RASA3: variants seen among roughly 807,000 people sequenced by gnomAD.
The protein encoded by RASA3 is RAS p21 protein activator 3.
A neutral mutation model predicts 110.0 loss-of-function variants in RASA3; 73 were observed. That is an observed-to-expected ratio of 0.66 (90% confidence interval 0.55 to 0.81). The LOEUF (loss-of-function observed/expected upper bound fraction) is 0.81, where lower values mean the gene tolerates loss of function less well. RASA3 is among the 30% of genes least tolerant of loss of function. The pLI is 0.00. For synonymous variants in RASA3, 500 were observed against 451.4 expected, an observed-to-expected ratio of 1.11 and a Z score of -1.37; for missense variants, 976 against 1,113.2, an observed-to-expected ratio of 0.88 and a Z score of 1.75.
chr13:114,110,312 C>T lies in RASA3; in HGVS notation c.55+22123G>A, dbSNP rs558244756. Reference sequence around the variant, plus strand: ...ACAGACCCGGGCCCCTGACCATACCCTGTGCTGTAACGCCTGCAAGGTAGA... The same window carrying T: ...ACAGACCCGGGCCCCTGACCATACCTTGTGCTGTAACGCCTGCAAGGTAGA... On this transcript the variant is annotated intron_variant, in intron 1 of 23. Coordinates refer to ENST00000334062, the MANE Select transcript of RASA3 (RefSeq NM_007368.4). 8.5e-5 allele frequency among the ~76,000 whole-genome samples: 13 copies of T among 152,362 alleles called. No individual in the cohort carries two copies. The East Asian group carries it at 2.5e-3, about 29-fold the overall frequency.
chr13:113,999,751 G>T, intron 19 of RASA3, 84 bp from the exon 20 acceptor site: 1 of 1,023,208 alleles, frequency 9.8e-7, no homozygotes, highest in South Asian at 1.3e-5. Flanking sequence ...CTCTGCCGGG[G>T]GGTCTCCCAG....
chr13:114,102,878 C>T (rs537623846), intron 1 of RASA3, among the ~76,000 whole-genome samples: 127 of 152,268 alleles, frequency 8.3e-4, no homozygotes, highest in Non-Finnish European at 1.3e-3. Flanking sequence ...TCGCCGTGGG[C>T]GCAGCCGGCA....
rs1566462351 is a variant in RASA3, at chr13:114,001,488, G to GCC, written c.1743-557_1743-556insGG. Among the ~76,000 whole-genome samples the GCC allele has an allele frequency of 2.2e-4, 32 of 142,962 alleles. 1 individual carries two copies. The highest frequency in any genetic ancestry group is 4.1e-4 in the African/African-American group (16 of 39,316). 93.8% of individuals were successfully genotyped at this position (142,962 alleles called of 152,430 possible). A position where few individuals can be genotyped will look rare whatever the true frequency, so the allele number is the denominator to read the frequency against. On this transcript the variant is annotated intron_variant, in intron 18 of 23. Transcript: ENST00000334062. ...ACTCACGCAACATGGAGGACCTACA[G>GCC]GCGCGGGCTCGGGGTCAGGGCAGGC...
intron 8 of RASA3, among the ~76,000 whole-genome samples, chr13:114,022,645 G>A (rs758345754): frequency 9.2e-5 from 14 of 152,336 alleles, no homozygotes; most frequent in African/African-American, 1.4e-4. Context: ...CCCACAGCGC[G>A]TTCCTTTCAG....
At chr13:114,010,825 C>CGCCGTGTGGG (rs2053622622) in intron 16 of RASA3, among the ~76,000 whole-genome samples, 1 of 5,090 alleles carries the variant, frequency 2.0e-4, no homozygotes, top group Non-Finnish European at 3.7e-4. Flanking sequence ...GGCTGCGTGA[C>CGCCGTGTGGG]GAGGAGCCTC....
chr13:114,101,967 G>A (rs1356805689), intron 1 of RASA3, among the ~76,000 whole-genome samples: 1 of 152,118 alleles, frequency 6.6e-6, no homozygotes, highest in Non-Finnish European at 1.5e-5. Context: ...GTGGGGAGCG[G>A]GGGTCTCAGT....
At chr13:114,098,214 G>A (rs770996141) in intron 1 of RASA3, among the ~76,000 whole-genome samples, 1 of 152,108 alleles carries the variant, frequency 6.6e-6, no homozygotes, top group South Asian at 2.1e-4. Flanking sequence ...GCTCATCAGC[G>A]ACGAGCCAGG....
chr13:114,028,083 G>A (rs2054061575), intron 5 of RASA3, among the ~76,000 whole-genome samples, 156 bp from the exon 6 acceptor site: 1 of 152,208 alleles, frequency 6.6e-6, no homozygotes, highest in Admixed American at 6.5e-5. Context: ...TTCTGCCTCG[G>A]TGTGACGCTG....
chr13:114,052,143 T>A lies in RASA3; in HGVS notation c.186A>T (p.Gly62=), dbSNP rs2079155815. Residue 62 remains glycine, a synonymous_variant, in exon 3 of 24, where the codon GGA becomes GGT. Transcript: ENST00000334062. ...IVEKSLCPFY[G]EDFYCEIPRS... is the part of the protein sequence containing the mutation. ...GAGGAATTTCACAGTAAAAGTCTTC[T>A]CCGTAAAACGGGCTAGTGAGACAAA... 6.2e-7 allele frequency: 1 copy of A among 1,612,384 alleles called. No individual in the cohort carries two copies. Among genetic ancestry groups the A allele is most frequent in the Non-Finnish European group, 8.5e-7 (1 of 1,179,090 alleles).
chr13:114,016,860 G>A (rs1418257895), intron 12 of RASA3, among the ~76,000 whole-genome samples: 2 of 152,152 alleles, frequency 1.3e-5, no homozygotes, highest in Non-Finnish European at 2.9e-5. Context: ...GGGTGTGCGG[G>A]CATCAGAGGG....
At chr13:114,024,165 G>A (rs1306334616) in intron 8 of RASA3, 114 bp downstream of exon 8, 7 of 1,107,722 alleles carry the variant, frequency 6.3e-6, no homozygotes, top group East Asian at 2.5e-5. Context: ...AAATTACCAA[G>A]AAAATGGAAA....
intron 20 of RASA3, among the ~76,000 whole-genome samples, chr13:113,997,793 G>A (rs1330211989): frequency 1.3e-5 from 2 of 152,138 alleles, no homozygotes; most frequent in African/African-American, 2.4e-5. Context: ...TCTAGGGGAC[G>A]GGCCTTCTGC....
At chr13:114,125,940 C>G (rs1594484644) in intron 1 of RASA3, among the ~76,000 whole-genome samples, 1 of 117,652 alleles carries the variant, frequency 8.5e-6, no homozygotes, top group Non-Finnish European at 1.8e-5. Flanking sequence ...CCGGCACCTG[C>G]TGCCCAACCT....
chr13:114,021,340 G>C (rs907906961), intron 9 of RASA3, 64 bp downstream of exon 9: 3 of 1,459,346 alleles, frequency 2.1e-6, no homozygotes, highest in Non-Finnish European at 2.9e-6. Flanking sequence ...TTTCCACTCA[G>C]AGGCAGCACG....
intron 3 of RASA3, among the ~76,000 whole-genome samples, chr13:114,051,046 G>A (rs2139548306): frequency 6.6e-6 from 1 of 152,338 alleles, no homozygotes; most frequent in African/African-American, 2.4e-5. Flanking sequence ...AGTGTGAGCA[G>A]CGAGCGTCAG....
At chr13:114,125,950 T>C (rs1283955355) in intron 1 of RASA3, among the ~76,000 whole-genome samples, 7 of 71,162 alleles carry the variant, frequency 9.8e-5, no homozygotes, top group African/African-American at 4.5e-4. Flanking sequence ...CTGCCCAACC[T>C]CGCACCCTCC....
At chr13:113,992,679 A>G in intron 21 of RASA3, 91 bp from the exon 22 acceptor site, 1 of 983,122 alleles carries the variant, frequency 1.0e-6, no homozygotes, top group Non-Finnish European at 1.5e-6. Context: ...GTCACTGAAG[A>G]AAGACAACGA....
intron 1 of RASA3, among the ~76,000 whole-genome samples, chr13:114,118,082 C>T (rs2080320286): frequency 6.6e-6 from 1 of 152,086 alleles, no homozygotes; most frequent in South Asian, 2.1e-4. Flanking sequence ...ACAATAGTAG[C>T]TCACCTCTGC....
intron 1 of RASA3, among the ~76,000 whole-genome samples, chr13:114,101,528 C>T (rs1208152983): frequency 2.6e-5 from 4 of 152,378 alleles, no homozygotes; most frequent in East Asian, 1.9e-4. Flanking sequence ...GGCCTGATCC[C>T]GGCCCTGACC....
Sources: allele counts gnomAD v4.1 joint callset (sites outside exome capture counted in the v4.1 genomes callset), GRCh38; gene constraint gnomAD v4.1.1; transcripts MANE v1.5; gene names NCBI Gene and HGNC (gene_info 2026-07-23, HGNC 2026-07-21).